Variants in GALNTL6 observed in about 807,000 individuals in gnomAD.
The protein encoded by GALNTL6 is polypeptide N-acetylgalactosaminyltransferase like 6, also known as polypeptide N-acetylgalactosaminyltransferase-like 6.
Under a neutral mutation model 73.7 loss-of-function variants are expected in GALNTL6, and 46 were observed. The ratio of observed to expected loss-of-function variants is 0.62; its 90% CI spans 0.49 to 0.80. The LOEUF (loss-of-function observed/expected upper bound fraction) is 0.80, where lower values mean the gene tolerates loss of function less well. GALNTL6 is among the 30% of genes least tolerant of loss of function. The pLI is 0.00. For missense variants in GALNTL6, 604 were observed against 755.0 expected (o/e 0.80, Z 2.34); for synonymous variants, 259 against 263.7 (o/e 0.98, Z 0.17).
intron 4 of GALNTL6, among the ~76,000 whole-genome samples, chr4:172,329,372 T>A (rs907696670): frequency 6.6e-6 from 1 of 152,118 alleles, no homozygotes; most frequent in Non-Finnish European, 1.5e-5. Flanking sequence ...TGTTACAAAC[T>A]GTCTGGACAT....
intron 4 of GALNTL6, among the ~76,000 whole-genome samples, chr4:172,329,518 T>C (rs333380): frequency 0.99 from 150,964 of 152,258 alleles, 74,855 homozygotes; most frequent in Middle Eastern, 1. Context: ...CTTCTGGGTG[T>C]TCATCCCAGA....
intron 2 of GALNTL6, among the ~76,000 whole-genome samples, chr4:172,050,052 A>G (rs1213347102): frequency 6.6e-6 from 1 of 152,048 alleles, no homozygotes; most frequent in East Asian, 1.9e-4. Context: ...TCAGTCAAAT[A>G]TAGGTATTTT....
chr4:173,017,531 G>A (rs1387624128), intron 11 of GALNTL6, among the ~76,000 whole-genome samples: 1 of 152,122 alleles, frequency 6.6e-6, no homozygotes, highest in Non-Finnish European at 1.5e-5. Flanking sequence ...GGTTTGACAT[G>A]GCCACTGAGA....
intron 5 of GALNTL6, among the ~76,000 whole-genome samples, chr4:172,659,303 A>AGG (rs1731251021): frequency 6.6e-6 from 1 of 152,192 alleles, no homozygotes; most frequent in Non-Finnish European, 1.5e-5. Context: ...GTAGTCATAC[A>AGG]GTGTGTAATG....
intron 5 of GALNTL6, among the ~76,000 whole-genome samples, chr4:172,746,272 G>C (rs1394239052): frequency 6.6e-6 from 1 of 151,294 alleles, no homozygotes; most frequent in Non-Finnish European, 1.5e-5. Context: ...AGCGTTAAGT[G>C]AGATACTGCA....
chr4:172,227,031 C>T (rs1454777128), intron 2 of GALNTL6, among the ~76,000 whole-genome samples: 3 of 152,094 alleles, frequency 2.0e-5, no homozygotes, highest in Admixed American at 6.5e-5. Flanking sequence ...CTTAATTATA[C>T]GTTAAAGGCT....
intron 7 of GALNTL6, among the ~76,000 whole-genome samples, chr4:172,849,104 C>G (rs1743673020): frequency 6.6e-6 from 1 of 151,948 alleles, no homozygotes; most frequent in African/African-American, 2.4e-5. Flanking sequence ...GGGGAGATAC[C>G]AAGATTTCAG....
intron 5 of GALNTL6, among the ~76,000 whole-genome samples, chr4:172,782,837 G>A (rs1442991521): frequency 3.3e-5 from 5 of 151,850 alleles, no homozygotes; most frequent in African/African-American, 7.3e-5. Context: ...TGTGCTTAAT[G>A]AGAAAGAAGA....
chr4:172,053,507 A>G (rs1258811768), intron 2 of GALNTL6, among the ~76,000 whole-genome samples: 2 of 152,172 alleles, frequency 1.3e-5, no homozygotes, highest in South Asian at 4.1e-4. Flanking sequence ...TCTGGAATTA[A>G]TTCTTTTCTA....
At chr4:172,174,705 A>T (rs1734937936) in intron 2 of GALNTL6, among the ~76,000 whole-genome samples, 1 of 152,196 alleles carries the variant, frequency 6.6e-6, no homozygotes, top group African/African-American at 2.4e-5. Flanking sequence ...TAAGTTTCCT[A>T]AACATGTGTG....
chr4:172,020,764 T>G (rs1741372059), intron 2 of GALNTL6, among the ~76,000 whole-genome samples: 1 of 151,898 alleles, frequency 6.6e-6, no homozygotes, highest in Non-Finnish European at 1.5e-5. Context: ...CTGAAACTAT[T>G]CTGAAAAATA....
At chr4:172,916,297 A>G (rs1439921284) in intron 8 of GALNTL6, among the ~76,000 whole-genome samples, 1 of 152,200 alleles carries the variant, frequency 6.6e-6, no homozygotes, top group Non-Finnish European at 1.5e-5. Flanking sequence ...ATCATACTGA[A>G]TGGGCAAAAA....
intron 2 of GALNTL6, among the ~76,000 whole-genome samples, chr4:172,072,364 A>G (rs1731571022): frequency 6.6e-6 from 1 of 151,800 alleles, no homozygotes; most frequent in African/African-American, 2.4e-5. Flanking sequence ...TATCTTTTTA[A>G]TACTCCTTTC....
At chr4:172,552,103 C>T (rs1406416942) in intron 5 of GALNTL6, among the ~76,000 whole-genome samples, 1 of 152,120 alleles carries the variant, frequency 6.6e-6, no homozygotes, top group Non-Finnish European at 1.5e-5. Context: ...AGCCTCGCTA[C>T]TTTCCATTAT....
intron 5 of GALNTL6, among the ~76,000 whole-genome samples, chr4:172,760,324 G>C (rs991468781): frequency 6.6e-6 from 1 of 152,164 alleles, no homozygotes; most frequent in Non-Finnish European, 1.5e-5. Flanking sequence ...GCTACAAAAG[G>C]CCTTGAAAAT....
intron 7 of GALNTL6, among the ~76,000 whole-genome samples, chr4:172,814,446 T>C (rs1186228817): frequency 6.6e-6 from 1 of 152,204 alleles, no homozygotes; most frequent in Non-Finnish European, 1.5e-5. Context: ...TCATAGTGAA[T>C]GGTAAACTTT....
intron 5 of GALNTL6, among the ~76,000 whole-genome samples, chr4:172,585,475 C>T (rs1197695269): frequency 1.3e-5 from 2 of 152,148 alleles, no homozygotes; most frequent in African/African-American, 4.8e-5. Context: ...TCTCATTGTT[C>T]AACCCCCTCT....
At chr4:172,423,268 A>G (rs1165615761) in intron 5 of GALNTL6, among the ~76,000 whole-genome samples, 1 of 152,010 alleles carries the variant, frequency 6.6e-6, no homozygotes, top group Non-Finnish European at 1.5e-5. Flanking sequence ...ATGTCACATC[A>G]TATCATTTCT....
intron 2 of GALNTL6, among the ~76,000 whole-genome samples, chr4:171,958,201 C>T (rs985989425): frequency 6.6e-6 from 1 of 152,130 alleles, no homozygotes; most frequent in Non-Finnish European, 1.5e-5. Flanking sequence ...CTCTGATACA[C>T]CCAAGTCTGA....
Sources: gnomAD v4.1 joint callset for allele counts (sites outside exome capture counted in the v4.1 genomes callset) on GRCh38, gnomAD v4.1.1 for gene constraint, MANE v1.5 for transcripts, NCBI Gene and HGNC (gene_info 2026-07-23, HGNC 2026-07-21) for gene names.